The following ACOT12 variants were observed in gnomAD, a reference collection of about 807,000 sequenced individuals.
ACOT12 encodes the protein acyl-CoA thioesterase 12.
Under a neutral mutation model 67.7 loss-of-function variants are expected in ACOT12, and 51 were observed. The ratio of observed to expected loss-of-function variants is 0.75; its 90% CI spans 0.60 to 0.95. The LOEUF is 0.95. Ranked by LOEUF, ACOT12 falls within the 40% of genes least tolerant of loss-of-function variation. ACOT12 has a pLI of 0.00. For synonymous variants in ACOT12, 251 were observed against 244.6 expected, an observed-to-expected ratio of 1.03 and a Z score of -0.24; for missense variants, 734 against 708.1, an observed-to-expected ratio of 1.04 and a Z score of -0.41.
chr5:81,324,842 C>T, the ACOT12 span, among the ~76,000 whole-genome samples: 1 of 152,144 alleles, frequency 6.6e-6, no homozygotes, highest in African/African-American at 2.4e-5. Flanking sequence ...ATAGAAAAGA[C>T]ATAGTTGATC....
intron 2 of ACOT12, among the ~76,000 whole-genome samples, chr5:81,375,901 C>T (rs1760396801): frequency 6.6e-6 from 1 of 152,156 alleles, no homozygotes; most frequent in Admixed American, 6.5e-5. Flanking sequence ...GAGACTTTAA[C>T]ACTCCACTGT....
At chr5:81,326,614 C>A (rs1758680868), downstream of ACOT12, among the ~76,000 whole-genome samples, 1 of 152,196 alleles carries the variant, frequency 6.6e-6, no homozygotes, top group African/African-American at 2.4e-5. Context: ...GTGAATGCTG[C>A]AGACATATTG....
the ACOT12 span, chr5:81,308,840 T>C: frequency 1.4e-6 from 2 of 1,383,886 alleles, no homozygotes; most frequent in Non-Finnish European, 1.9e-6. Context: ...AGATTAAATT[T>C]TAAGTTATGT....
intron 11 of ACOT12, among the ~76,000 whole-genome samples, chr5:81,341,833 G>T (rs1759202398): frequency 2.0e-5 from 3 of 152,138 alleles, no homozygotes; most frequent in Admixed American, 1.3e-4. Flanking sequence ...ATACAAAGAA[G>T]TCCAGACAAG....
At chr5:81,349,102 C>T (rs1332552999) in intron 5 of ACOT12, among the ~76,000 whole-genome samples, 2 of 152,170 alleles carry the variant, frequency 1.3e-5, no homozygotes, top group Non-Finnish European at 2.9e-5. Flanking sequence ...CAGAGCTGAG[C>T]TTGCAGTGTG....
downstream of ACOT12, among the ~76,000 whole-genome samples, chr5:81,328,334 G>T (rs1405161378): frequency 6.6e-6 from 1 of 151,992 alleles, no homozygotes; most frequent in Non-Finnish European, 1.5e-5. Context: ...TTTTATTTAT[G>T]ATGTGAACAG....
intron 2 of ACOT12, among the ~76,000 whole-genome samples, chr5:81,372,251 A>G (rs1760277293): frequency 6.6e-6 from 1 of 152,208 alleles, no homozygotes; most frequent in Non-Finnish European, 1.5e-5. Flanking sequence ...GTAGGTTTGT[A>G]TGGGCCCTCA....
chr5:81,339,851 A>C (rs1259203880), intron 11 of ACOT12, among the ~76,000 whole-genome samples: 1 of 152,124 alleles, frequency 6.6e-6, no homozygotes, highest in African/African-American at 2.4e-5. Flanking sequence ...CTACAATCTT[A>C]AATTTTTACC....
intron 5 of ACOT12, among the ~76,000 whole-genome samples, chr5:81,355,856 G>A (rs1453711866): frequency 6.6e-6 from 1 of 152,202 alleles, no homozygotes; most frequent in East Asian, 1.9e-4. Context: ...AATACCTTGA[G>A]AGAAGTGAGT....
intron 3 of ACOT12, among the ~76,000 whole-genome samples, chr5:81,369,589 T>C (rs184388942): frequency 6.6e-6 from 1 of 152,324 alleles, no homozygotes; most frequent in East Asian, 1.9e-4. Flanking sequence ...GAGAACAAAA[T>C]TCTGCACGGC....
intron 11 of ACOT12, among the ~76,000 whole-genome samples, chr5:81,338,265 G>A (rs959600034): frequency 3.9e-5 from 6 of 152,198 alleles, no homozygotes; most frequent in Admixed American, 2.6e-4. Context: ...ATATGGATTG[G>A]ATTTGTGATT....
chr5:81,393,371 C>G (rs748191610), intron 1 of ACOT12, among the ~76,000 whole-genome samples: 2 of 152,114 alleles, frequency 1.3e-5, no homozygotes, highest in Non-Finnish European at 2.9e-5. Flanking sequence ...ATTTCCATTA[C>G]GGTAAATGTG....
Position 81,394,069 on chromosome 5 carries a change from G to T in ACOT12, c.46C>A (p.Gln16Lys). 6.8e-7 allele frequency: 1 copy of T among 1,472,714 alleles called. No individual in the cohort carries two copies. Among genetic ancestry groups the T allele is most frequent in the East Asian group, 3.0e-5 (1 of 33,648 alleles). The allele number at this position is 1,472,714 out of a possible 1,614,324, so 91.2% of individuals were successfully genotyped here. The change falls in exon 1 of 15, where the codon CAG becomes AAG. Residue 16 changes from glutamine to lysine, a missense_variant. Gln to Lys is a moderately conservative substitution (Grantham distance 53). Coordinates refer to ENST00000307624, the MANE Select transcript of ACOT12 (RefSeq NM_130767.3). ...CCGCGCGCAGTGGCGTGCGCCGGCT[G>T]GATGGCTTGGCTCATGACCACCTCG... ...PGEVVMSQAI[Q>K]PAHATARGEL...
At chr5:81,340,157 C>A (rs772417178) in intron 11 of ACOT12, among the ~76,000 whole-genome samples, 1 of 151,198 alleles carries the variant, frequency 6.6e-6, no homozygotes, top group Non-Finnish European at 1.5e-5. Flanking sequence ...CATGCCTAAG[C>A]CTCCCAAGCA....
intron 13 of ACOT12, among the ~76,000 whole-genome samples, chr5:81,331,668 C>T (rs774340454): frequency 3.3e-5 from 5 of 152,176 alleles, no homozygotes; most frequent in East Asian, 3.8e-4. Flanking sequence ...GAAGTGAACA[C>T]GCTTAACATT....
chr5:81,387,006 TTTTTTTTTTTTTC>T (rs1414875791), intron 1 of ACOT12, among the ~76,000 whole-genome samples: 78 of 106,228 alleles, frequency 7.3e-4, no homozygotes, highest in Non-Finnish European at 1.2e-3. Flanking sequence ...TTTTTTTTTT[TTTTTTTTTTTTTC>T]TTTTTTCAGA....
At chr5:81,322,724 G>A in the ACOT12 span, among the ~76,000 whole-genome samples, 2 of 152,132 alleles carry the variant, frequency 1.3e-5, no homozygotes, top group Non-Finnish European at 2.9e-5. Context: ...GTTCTGCATA[G>A]CTGAGAAGGC....
chr5:81,377,392 G>C (rs953946143), intron 2 of ACOT12, among the ~76,000 whole-genome samples: 1 of 152,108 alleles, frequency 6.6e-6, no homozygotes, highest in African/African-American at 2.4e-5. Flanking sequence ...AATACTGAAT[G>C]GGGAAAAGCT....
chr5:81,333,507 T>G (rs936232226), intron 12 of ACOT12, among the ~76,000 whole-genome samples: 1 of 152,226 alleles, frequency 6.6e-6, no homozygotes, highest in Non-Finnish European at 1.5e-5. Context: ...TCATAGTACA[T>G]GTACAAGAAA....
Sources: allele counts gnomAD v4.1 joint callset (sites outside exome capture counted in the v4.1 genomes callset), GRCh38; gene constraint gnomAD v4.1.1; transcripts MANE v1.5; gene names NCBI Gene and HGNC (gene_info 2026-07-23, HGNC 2026-07-21).